PDE6A: variants seen among roughly 807,000 people sequenced by gnomAD.
PDE6A encodes rod cGMP-specific 3',5'-cyclic phosphodiesterase subunit alpha.
A neutral mutation model predicts 106.3 loss-of-function variants in PDE6A; 84 were observed. That is an observed-to-expected ratio of 0.79 (90% CI 0.66 to 0.95). The LOEUF is 0.95. Among genes scored for constraint, PDE6A ranks in the 40% least tolerant of loss-of-function variants. PDE6A has a pLI of 0.00. For synonymous variants in PDE6A, 394 were observed against 386.6 expected, an observed-to-expected ratio of 1.02 and a Z score of -0.23; for missense variants, 1,052 against 1,084.9, an observed-to-expected ratio of 0.97 and a Z score of 0.43.
intron 13 of PDE6A, among the ~76,000 whole-genome samples, chr5:149,887,148 C>T (rs2113560547): frequency 6.6e-6 from 1 of 152,212 alleles, no homozygotes; most frequent in South Asian, 2.1e-4. Flanking sequence ...CACAAATACA[C>T]AAAGATAAGT....
chr5:149,878,522 A>G (rs1157981693), intron 17 of PDE6A, among the ~76,000 whole-genome samples: 2 of 152,146 alleles, frequency 1.3e-5, no homozygotes, highest in East Asian at 3.9e-4. Context: ...GAATATCTGG[A>G]GGGGAAATCC....
At chr5:149,906,122 T>C in intron 7 of PDE6A, among the ~76,000 whole-genome samples, 1 of 151,922 alleles carries the variant, frequency 6.6e-6, no homozygotes, top group Non-Finnish European at 1.5e-5. Context: ...CCTCCCTAAG[T>C]GTTGGGATTA....
chr5:149,927,255 G>T (rs1162131850), intron 4 of PDE6A, among the ~76,000 whole-genome samples: 1 of 152,152 alleles, frequency 6.6e-6, no homozygotes, highest in African/African-American at 2.4e-5. Flanking sequence ...CATGAATGGA[G>T]CCTGCGGGAC....
chr5:149,869,221 G>A (rs753264117), intron 17 of PDE6A, among the ~76,000 whole-genome samples: 9 of 151,922 alleles, frequency 5.9e-5, no homozygotes, highest in East Asian at 1.9e-4. Flanking sequence ...TCCCAGCTAC[G>A]CGGGAGGCTG....
chr5:149,887,132 T>C (rs1752334677), intron 13 of PDE6A, among the ~76,000 whole-genome samples: 1 of 152,046 alleles, frequency 6.6e-6, no homozygotes, highest in Non-Finnish European at 1.5e-5. Flanking sequence ...CAGTGAAAAA[T>C]ACGAACACAA....
In PDE6A at chr5:149,898,444, T is replaced by C. The variant is rs1449017665; in HGVS notation, c.1326A>G (p.Lys442=). The part of the protein sequence containing the change: ...LNPDTYESMN[K]LENRKDIFQD... ...GGAAAATATCCTTCCTATTTTCAAG[T>C]TTATTCATTGACTCATAGGTGTCAG... The change falls in exon 10 of 22, where the codon AAA becomes AAG. Residue 442 remains lysine, a synonymous_variant. Coordinates refer to ENST00000255266, the MANE Select transcript of PDE6A (RefSeq NM_000440.3). The C allele has an allele frequency of 2.5e-6, 4 of 1,613,400 alleles. No individual in the cohort carries two copies. Among genetic ancestry groups the C allele is most frequent in the Non-Finnish European group, 3.4e-6 (4 of 1,179,356 alleles).
intron 4 of PDE6A, 137 bp from the exon 5 acceptor site, chr5:149,921,846 A>C: frequency 1.4e-6 from 1 of 740,516 alleles, no homozygotes; most frequent in Middle Eastern, 2.7e-4. Flanking sequence ...AAACTTGGAA[A>C]GGCAGTAAGA....
At chr5:149,914,690 T>C (rs1214568100) in intron 6 of PDE6A, among the ~76,000 whole-genome samples, 1 of 149,622 alleles carries the variant, frequency 6.7e-6, no homozygotes, top group African/African-American at 2.4e-5. Context: ...TAACCTGACA[T>C]TAATCAGTTA....
At chr5:149,932,916 G>T (rs1754084178) in intron 3 of PDE6A, among the ~76,000 whole-genome samples, 1 of 152,262 alleles carries the variant, frequency 6.6e-6, no homozygotes, top group Admixed American at 6.5e-5. Context: ...CGAGAGCACG[G>T]AGGCGCCCAG....
At chr5:149,870,867 G>A (rs1170218613) in intron 17 of PDE6A, among the ~76,000 whole-genome samples, 1 of 136,454 alleles carries the variant, frequency 7.3e-6, no homozygotes, top group African/African-American at 3.0e-5. Flanking sequence ...GAAAGAGAAA[G>A]AGAAAGAAAG....
chr5:149,932,754 T>C, intron 3 of PDE6A: 2 of 1,124,724 alleles, frequency 1.8e-6, no homozygotes, highest in Non-Finnish European at 2.6e-6. Flanking sequence ...TCGGCTTCTG[T>C]GCTTCATATT....
intron 1 of PDE6A, among the ~76,000 whole-genome samples, chr5:149,942,172 A>C (rs1425268268): frequency 6.6e-6 from 1 of 152,162 alleles, no homozygotes; most frequent in Non-Finnish European, 1.5e-5. Context: ...TGTGTTGCCC[A>C]GCCTGGTCTC....
At chr5:149,917,561 G>A (rs1362885926) in intron 5 of PDE6A, among the ~76,000 whole-genome samples, 6 of 152,192 alleles carry the variant, frequency 3.9e-5, no homozygotes, top group African/African-American at 1.4e-4. Context: ...AATACTTCTA[G>A]GAGGCGAGCT....
At chr5:149,867,117 C>T (rs773483772) in intron 19 of PDE6A, 15 of 175,070 alleles carry the variant, frequency 8.6e-5, no homozygotes, top group South Asian at 1.4e-4. Flanking sequence ...CAGGTGTCAA[C>T]GGTTTGTCCC....
At chr5:149,878,843 T>C (rs1339713095) in intron 17 of PDE6A, among the ~76,000 whole-genome samples, 1 of 152,212 alleles carries the variant, frequency 6.6e-6, no homozygotes, top group Non-Finnish European at 1.5e-5. Flanking sequence ...TTTCCTGGAA[T>C]CATATTAACA....
chr5:149,920,942 A>AAAAAAAGAAAGAAAG (rs1554091213), intron 5 of PDE6A, among the ~76,000 whole-genome samples: 2 of 108,282 alleles, frequency 1.8e-5, no homozygotes, highest in East Asian at 2.6e-4. Context: ...GAAAGAGAGA[A>AAAAAAAGAAAGAAAG]AAAGAAAGAA....
At chr5:149,911,084 T>C (rs147413986) in intron 6 of PDE6A, among the ~76,000 whole-genome samples, 1 of 152,064 alleles carries the variant, frequency 6.6e-6, no homozygotes, top group Non-Finnish European at 1.5e-5. Flanking sequence ...TCTTGCCATA[T>C]TGCCCAGGCT....
Position 149,884,474 on chromosome 5 carries a change from C to A in PDE6A, c.2027+5G>T, listed in dbSNP as rs794727166. On this transcript the variant is annotated splice_donor_5th_base_variant and intron_variant, in intron 16 of 21. Transcript: ENST00000255266. ...TTTACTATTAGAATGAGAAGATATA[C>A]CAACTTGAAATACAGGGCGAGGTCT... 6.3e-7 allele frequency: 1 copy of A among 1,592,188 alleles called. No individual in the cohort carries two copies. Among genetic ancestry groups the A allele is most frequent in the Non-Finnish European group, 8.6e-7 (1 of 1,160,564 alleles).
chr5:149,898,931 A>C (rs182413937), intron 9 of PDE6A, among the ~76,000 whole-genome samples: 1 of 152,340 alleles, frequency 6.6e-6, no homozygotes, highest in Admixed American at 6.5e-5. Context: ...TGGCACAATC[A>C]TGGCTCACTG....
Sources: allele counts gnomAD v4.1 joint callset (sites outside exome capture counted in the v4.1 genomes callset), GRCh38; gene constraint gnomAD v4.1.1; transcripts MANE v1.5; gene names NCBI Gene and HGNC (gene_info 2026-07-23, HGNC 2026-07-21).